Variants in USP31 observed in about 807,000 individuals in gnomAD.
USP31 encodes ubiquitin carboxyl-terminal hydrolase 31.
A neutral mutation model predicts 119.4 loss-of-function variants in USP31; 44 were observed. The observed-to-expected ratio is 0.37, with a 90% CI of 0.29 to 0.47. The LOEUF (loss-of-function observed/expected upper bound fraction) is 0.47, where lower values mean the gene tolerates loss of function less well. USP31 is among the 20% of genes least tolerant of loss of function. The pLI is 0.99. For synonymous variants in USP31, 749 were observed against 705.6 expected (o/e 1.06, Z -0.97); for missense variants, 1,643 against 1,730.2 (o/e 0.95, Z 0.89).
chr16:23,082,342 A>AC (rs1266681836), intron 12 of USP31, 96 bp downstream of exon 12: 1 of 1,502,344 alleles, frequency 6.7e-7, no homozygotes, highest in African/African-American at 1.4e-5. Flanking sequence ...ACTGGATCAA[A>AC]CAGGTATACC....
chr16:23,105,708 G>A (rs1902071755), intron 4 of USP31, 132 bp from the exon 5 acceptor site: 4 of 1,052,456 alleles, frequency 3.8e-6, no homozygotes, highest in Non-Finnish European at 5.0e-6. Context: ...AAGCCCAAAT[G>A]GAAAAATTTC....
intron 6 of USP31, among the ~76,000 whole-genome samples, chr16:23,092,697 C>A (rs1901420476): frequency 6.6e-6 from 1 of 151,998 alleles, no homozygotes; most frequent in Admixed American, 6.6e-5. Context: ...CAAACAAGCA[C>A]CTGGGTCAAA....
chr16:23,114,899 T>C (rs1424326631), intron 1 of USP31, among the ~76,000 whole-genome samples: 1 of 152,216 alleles, frequency 6.6e-6, no homozygotes, highest in Non-Finnish European at 1.5e-5. Context: ...TGGTAACTTA[T>C]TCCCACTGCA....
At chr16:23,089,406 G>T (rs1012963164) in intron 7 of USP31, among the ~76,000 whole-genome samples, 1 of 152,150 alleles carries the variant, frequency 6.6e-6, no homozygotes, top group African/African-American at 2.4e-5. Context: ...TAGTCGGTCT[G>T]TCCTAGCTAG....
intron 6 of USP31, among the ~76,000 whole-genome samples, chr16:23,091,828 A>T (rs572657211): frequency 6.6e-6 from 1 of 152,194 alleles, no homozygotes; most frequent in Non-Finnish European, 1.5e-5. Context: ...AAGCTTAAAC[A>T]CCATAAAGAA....
At chr16:23,115,014 A>AG (rs1902445959) in intron 1 of USP31, among the ~76,000 whole-genome samples, 1 of 150,466 alleles carries the variant, frequency 6.6e-6, no homozygotes, top group South Asian at 2.1e-4. Context: ...CCTAAGCTCA[A>AG]GCTCCGGCTC....
intron 1 of USP31, among the ~76,000 whole-genome samples, chr16:23,148,156 CCA>C (rs1345972384): frequency 2.6e-5 from 4 of 152,128 alleles, no homozygotes; most frequent in South Asian, 2.1e-4. Context: ...ATGGGTAATT[CCA>C]CAGTGTTCGA....
At chr16:23,120,317 A>C (rs902362328) in intron 1 of USP31, among the ~76,000 whole-genome samples, 3 of 152,232 alleles carry the variant, frequency 2.0e-5, no homozygotes, top group African/African-American at 7.2e-5. Flanking sequence ...TCCTGTCATG[A>C]AACATTACAA....
chr16:23,070,618 G>A (rs559035644), intron 15 of USP31, among the ~76,000 whole-genome samples: 1 of 152,164 alleles, frequency 6.6e-6, no homozygotes, highest in South Asian at 2.1e-4. Context: ...GGAGGCTGAG[G>A]CAGGAGAATG....
chr16:23,137,374 T>TA (rs1903224839), intron 1 of USP31, among the ~76,000 whole-genome samples: 1 of 152,170 alleles, frequency 6.6e-6, no homozygotes, highest in Non-Finnish European at 1.5e-5. Context: ...TAGTGGAAGA[T>TA]AGTTTGACAG....
At chr16:23,142,675 T>C (rs891910664) in intron 1 of USP31, among the ~76,000 whole-genome samples, 26 of 152,190 alleles carry the variant, frequency 1.7e-4, no homozygotes, top group African/African-American at 6.3e-4. Context: ...TCACACCACA[T>C]CCAAGTCTGC....
chr16:23,079,953 G>A lies in USP31; in HGVS notation c.2169C>T (p.His723=). The change falls in exon 13 of 16, where the codon CAC becomes CAT. Residue 723 remains histidine (H), a synonymous_variant. Transcript: ENST00000219689. ...GCCTCTCACACTGCAGACCTGTGTA[G>A]TGCCCCCCTTGCATGGTGCCATGGT... is the stretch of plus-strand genomic sequence containing the variant. ...CNHHGTMQGG[H]YTAYCKNSVD... 6.2e-7 allele frequency: 1 copy of A among 1,610,888 alleles called. No homozygotes were observed. The highest frequency in any genetic ancestry group is 8.5e-7 in the Non-Finnish European group (1 of 1,178,540).
Position 23,068,788 on chromosome 16 carries a change from G to A in USP31, c.3317C>T (p.Ser1106Phe), listed in dbSNP as rs1323265508. ...KKESSPKSQD[S>F]VSSPSPQKQK... ...CTTCTGTGGCGAAGGAGATGACACG[G>A]AGTCCTGAGATTTCGGGGATGACTC... The change falls in exon 16 of 16, where the codon TCC becomes TTC. Residue 1106 changes from serine (S) to phenylalanine (F), a missense_variant. Ser to Phe is a radical substitution (Grantham distance 155). Coordinates refer to ENST00000219689, the MANE Select transcript of USP31 (RefSeq NM_020718.4). 6.4e-7 allele frequency: 1 copy of A among 1,565,662 alleles called. No individual in the cohort carries two copies. The highest frequency in any genetic ancestry group is 1.2e-5 in the South Asian group (1 of 81,558).
At chr16:23,140,613 A>C (rs984782743) in intron 1 of USP31, among the ~76,000 whole-genome samples, 3 of 152,148 alleles carry the variant, frequency 2.0e-5, no homozygotes, top group African/African-American at 7.2e-5. Context: ...ATCCCATTCT[A>C]AGTCTATAGC....
rs539106089 is a variant in USP31, at chr16:23,076,955, A to G, written c.2176+2991T>C. On this transcript the variant is annotated intron_variant, in intron 13 of 15. Transcript: ENST00000219689. The stretch of plus-strand genomic sequence containing the variant: ...CCAAAGAACACAGACATGACTGGTA[A>G]TGCCACAAAAGCAAAAATCCAACAA... Among the ~76,000 whole-genome samples, 5 of 152,348 alleles carry G rather than the reference A, an allele frequency of 3.3e-5. No homozygotes were observed. In the East Asian group the frequency reaches 9.6e-4, roughly 29 times the overall value.
chr16:23,120,109 C>T (rs954846848), intron 1 of USP31, among the ~76,000 whole-genome samples: 4 of 152,124 alleles, frequency 2.6e-5, no homozygotes, highest in Non-Finnish European at 4.4e-5. Flanking sequence ...TTTTCCAACA[C>T]AATCTACAAT....
intron 1 of USP31, among the ~76,000 whole-genome samples, chr16:23,148,298 G>C (rs996839709): frequency 7.9e-5 from 12 of 152,150 alleles, no homozygotes; most frequent in East Asian, 1.9e-4. Flanking sequence ...GCAGAACCAG[G>C]ATTTGAACCC....
At chr16:23,141,376 C>T (rs532817382) in intron 1 of USP31, among the ~76,000 whole-genome samples, 2 of 148,162 alleles carry the variant, frequency 1.3e-5, no homozygotes, top group African/African-American at 4.9e-5. Context: ...AGCATTTATA[C>T]AATAATTTTT....
In USP31 at chr16:23,063,199, C is replaced by T. The variant is rs551371039; in HGVS notation, c.*4847G>A. ...ATACATGTGTGAGATTCAAAAAAGT[C>T]TCTCAAATTTGCTGTGCACCCCTTC... On this transcript the variant is annotated 3_prime_UTR_variant, in exon 16 of 16. Transcript: ENST00000219689. The T allele has an allele frequency of 6.6e-6, 1 of 152,222 alleles. No individual in the cohort carries two copies. Among genetic ancestry groups the T allele is most frequent in the Non-Finnish European group, 1.5e-5 (1 of 68,054 alleles). 9.4% of individuals were successfully genotyped at this position (152,222 alleles called of 1,614,324 possible). A position where few individuals can be genotyped will look rare whatever the true frequency, so the allele number is the denominator to read the frequency against.
Sources: gnomAD v4.1 joint callset for allele counts (sites outside exome capture counted in the v4.1 genomes callset) on GRCh38, gnomAD v4.1.1 for gene constraint, MANE v1.5 for transcripts, NCBI Gene and HGNC (gene_info 2026-07-23, HGNC 2026-07-21) for gene names.